The following THOC1 variants were observed in gnomAD, a reference collection of about 807,000 sequenced individuals.
THOC1 encodes the protein THO complex 1.
THOC1 carries 29 observed loss-of-function variants against 97.3 expected under a neutral mutation model. The observed-to-expected ratio is 0.30, with a 90% confidence interval of 0.22 to 0.41. The LOEUF is 0.41. Among genes scored for constraint, THOC1 ranks in the 10% least tolerant of loss-of-function variants. The probability of loss-of-function intolerance (pLI) is 1.00; values close to 1 mark genes in which losing one functional copy is unlikely to be tolerated. For missense variants in THOC1, 529 were observed against 761.9 expected, an observed-to-expected ratio of 0.69 and a Z score of 3.60; for synonymous variants, 255 against 257.0, an observed-to-expected ratio of 0.99 and a Z score of 0.07.
intron 1 of THOC1, among the ~76,000 whole-genome samples, chr18:266,105 T>C (rs1912758581): frequency 6.6e-6 from 1 of 152,250 alleles, no homozygotes; most frequent in South Asian, 2.1e-4. Flanking sequence ...CCCTGACACG[T>C]AGCACTCAAT....
intron 3 of THOC1, chr18:265,083 G>T: frequency 2.0e-6 from 1 of 498,428 alleles, no homozygotes; most frequent in East Asian, 3.5e-5. Flanking sequence ...ATCTCACTTG[G>T]AGAGGGCTCT....
chr18:260,431 CAAG>C (rs1404862539), intron 4 of THOC1, 127 bp from the exon 5 acceptor site: 2 of 633,540 alleles, frequency 3.2e-6, no homozygotes, highest in Non-Finnish European at 4.8e-6. Context: ...TTTAAAAGGA[CAAG>C]AAGTGGAAGC....
intron 11 of THOC1, among the ~76,000 whole-genome samples, chr18:233,412 C>A (rs1159619916): frequency 6.6e-6 from 1 of 152,052 alleles, no homozygotes; most frequent in South Asian, 2.1e-4. Context: ...TATGGAGAAA[C>A]CTTGTCTCTA....
intron 4 of THOC1, among the ~76,000 whole-genome samples, chr18:263,221 C>G (rs974266234): frequency 6.6e-6 from 1 of 151,232 alleles, no homozygotes; most frequent in Non-Finnish European, 1.5e-5. Flanking sequence ...GCTGGGACTA[C>G]AGGCGCCCGA....
At chr18:252,753 G>C in intron 8 of THOC1, 141 bp from the exon 9 acceptor site, 2 of 675,816 alleles carry the variant, frequency 3.0e-6, no homozygotes, top group Non-Finnish European at 5.1e-6. Context: ...TAGACCTATA[G>C]TTAATCTGTA....
At chr18:224,270 G>T in intron 15 of THOC1, 91 bp from the exon 16 acceptor site, 1 of 1,038,012 alleles carries the variant, frequency 9.6e-7, no homozygotes, top group Non-Finnish European at 1.4e-6. Flanking sequence ...TTTAGTTATT[G>T]TTTTCCTCTT....
At chr18:235,410 T>G (rs1470589125) in intron 11 of THOC1, among the ~76,000 whole-genome samples, 2 of 152,180 alleles carry the variant, frequency 1.3e-5, no homozygotes, top group Non-Finnish European at 2.9e-5. Context: ...TTCTAACTTC[T>G]TGAGTTGAAC....
chr18:222,324 G>A (rs1251231975), intron 17 of THOC1, among the ~76,000 whole-genome samples: 1 of 152,070 alleles, frequency 6.6e-6, no homozygotes, highest in Non-Finnish European at 1.5e-5. Flanking sequence ...AATCCTTTCT[G>A]CAATTTACTC....
intron 20 of THOC1, among the ~76,000 whole-genome samples, 174 bp downstream of exon 20, chr18:215,255 G>A (rs1475131696): frequency 6.6e-6 from 1 of 152,126 alleles, no homozygotes; most frequent in Non-Finnish European, 1.5e-5. Context: ...TGCATAAAAT[G>A]TAGTGTTTTT....
At chr18:265,132 C>T (rs1912721834) in intron 3 of THOC1, 171 bp downstream of exon 3, 2 of 590,516 alleles carry the variant, frequency 3.4e-6, no homozygotes, top group African/African-American at 1.9e-5. Context: ...TGTACCTGTG[C>T]TATCAAAATC....
chr18:253,431 G>C (rs965272222), intron 8 of THOC1, among the ~76,000 whole-genome samples: 2 of 152,100 alleles, frequency 1.3e-5, no homozygotes, highest in Non-Finnish European at 2.9e-5. Flanking sequence ...GATTTATCAA[G>C]AGCCATTTAA....
At chr18:259,426 T>A (rs1912535862) in intron 6 of THOC1, among the ~76,000 whole-genome samples, 151 bp from the exon 7 acceptor site, 2 of 152,086 alleles carry the variant, frequency 1.3e-5, no homozygotes, top group Non-Finnish European at 2.9e-5. Flanking sequence ...CACAAAAAAG[T>A]ACTATAAATT....
At chr18:221,308 G>T (rs1312962230) in intron 17 of THOC1, among the ~76,000 whole-genome samples, 2 of 150,594 alleles carry the variant, frequency 1.3e-5, no homozygotes, top group African/African-American at 2.5e-5. Context: ...AGGTTTTCTG[G>T]GTGGTGGTGG....
intron 7 of THOC1, among the ~76,000 whole-genome samples, chr18:256,157 C>A (rs1464499670): frequency 6.6e-6 from 1 of 152,094 alleles, no homozygotes; most frequent in Non-Finnish European, 1.5e-5. Context: ...TTTCAGCTTT[C>A]AAGTCTTATT....
intron 11 of THOC1, among the ~76,000 whole-genome samples, chr18:232,118 T>G (rs780965221): frequency 2.6e-5 from 4 of 152,192 alleles, no homozygotes; most frequent in African/African-American, 9.6e-5. Context: ...TTTTCTGAGA[T>G]AGGATCTGAC....
At chr18:231,454 A>G (rs905109733) in intron 11 of THOC1, among the ~76,000 whole-genome samples, 4 of 150,028 alleles carry the variant, frequency 2.7e-5, no homozygotes, top group African/African-American at 7.6e-5. Flanking sequence ...CATAAAAAAC[A>G]TGTGCTAGAA....
At chr18:218,043 C>T (rs1368844544) in intron 18 of THOC1, among the ~76,000 whole-genome samples, 2 of 152,116 alleles carry the variant, frequency 1.3e-5, no homozygotes, top group African/African-American at 4.8e-5. Flanking sequence ...GGAGCACTGA[C>T]CACAACTAGA....
intron 18 of THOC1, 57 bp from the exon 19 acceptor site, chr18:216,690 CT>C: frequency 1.9e-6 from 3 of 1,562,788 alleles, no homozygotes; most frequent in Non-Finnish European, 2.6e-6. Flanking sequence ...GTATTCCCTT[CT>C]GCTCAGTTCT....
intron 11 of THOC1, among the ~76,000 whole-genome samples, chr18:227,490 G>A (rs192800802): frequency 6.6e-6 from 1 of 152,054 alleles, no homozygotes; most frequent in Non-Finnish European, 1.5e-5. Context: ...AGAAATTAGA[G>A]GTGAAGATCA....
Sources: gnomAD v4.1 joint callset for allele counts (sites outside exome capture counted in the v4.1 genomes callset) on GRCh38, gnomAD v4.1.1 for gene constraint, MANE v1.5 for transcripts, NCBI Gene and HGNC (gene_info 2026-07-23, HGNC 2026-07-21) for gene names.